Variants in OC90 observed in about 807,000 individuals in gnomAD.
OC90 encodes otoconin 90, also known as otoconin-90.
A neutral mutation model predicts 47.3 loss-of-function variants in OC90; 46 were observed. The ratio of observed to expected loss-of-function variants is 0.97; its 90% CI spans 0.77 to 1.24. OC90 has a LOEUF of 1.24. Ranked by LOEUF, OC90 falls within the 50% of genes most tolerant of loss-of-function variation. OC90 has a pLI of 0.00. For synonymous variants in OC90, 271 were observed against 219.5 expected, an observed-to-expected ratio of 1.23 and a Z score of -2.07; for missense variants, 688 against 583.9, an observed-to-expected ratio of 1.18 and a Z score of -1.84.
intron 2 of OC90, among the ~76,000 whole-genome samples, chr8:132,047,424 A>G (rs1376473090): frequency 1.3e-5 from 2 of 152,208 alleles, no homozygotes; most frequent in Non-Finnish European, 2.9e-5. Flanking sequence ...GCACATAATA[A>G]CATTTCTTAA....
At chr8:132,028,714 A>G (rs1374608069) in intron 13 of OC90, among the ~76,000 whole-genome samples, 1 of 148,408 alleles carries the variant, frequency 6.7e-6, no homozygotes. Flanking sequence ...GACAGAAAGA[A>G]AGAAAGAAAG....
intron 1 of OC90, among the ~76,000 whole-genome samples, chr8:132,056,952 A>G (rs1467426301): frequency 6.6e-6 from 1 of 152,216 alleles, no homozygotes; most frequent in Non-Finnish European, 1.5e-5. Context: ...CCTGTTTTAC[A>G]GATGAGATCA....
In OC90 at chr8:132,024,723, C is replaced by T. The variant is rs779418565; in HGVS notation, c.1192G>A (p.Ala398Thr). The T allele has an allele frequency of 4.3e-6, 7 of 1,613,748 alleles. No individual in the cohort carries two copies. The highest frequency in any genetic ancestry group is 5.9e-6 in the Non-Finnish European group (7 of 1,179,834). The part of the protein sequence containing the change: ...KLLCACDQTA[A>T]ECMTSASFNQ... ...AAGGAGGCAGAGGTCATGCACTCAGCTGCCGTCTGGTCACAGGCACAGAGC... is the reference window on the plus strand; with the variant it reads ...AAGGAGGCAGAGGTCATGCACTCAGTTGCCGTCTGGTCACAGGCACAGAGC... Residue 398 changes from alanine to threonine, a missense_variant, in exon 14 of 14, where the codon GCT becomes ACT. By Grantham distance (58) the Ala-to-Thr change is moderately conservative. Transcript: ENST00000254627.
At chr8:132,034,978 C>G in intron 9 of OC90, 144 bp from the exon 10 acceptor site, 1 of 616,108 alleles carries the variant, frequency 1.6e-6, no homozygotes, top group Admixed American at 2.7e-5. Context: ...ATGAGATTTC[C>G]TAAGAGAGCT....
chr8:132,024,239 C>G lies in OC90; in HGVS notation c.*242G>C, dbSNP rs1822719196. 1 of 414,246 alleles carries G rather than the reference C, an allele frequency of 2.4e-6. No individual in the cohort carries two copies. Among genetic ancestry groups the G allele is most frequent in the African/African-American group, 2.0e-5 (1 of 50,770 alleles). The allele number at this position is 414,246 out of a possible 1,614,324, so 25.7% of individuals were successfully genotyped here. Reference sequence around the variant, plus strand: ...CATGTTGATTGGAGTATTTATTGAGCTTCCACAGTGCACTAAAGGAGCATG... The same window carrying G: ...CATGTTGATTGGAGTATTTATTGAGGTTCCACAGTGCACTAAAGGAGCATG... On this transcript the variant is annotated 3_prime_UTR_variant, in exon 14 of 14. Coordinates refer to ENST00000254627, the MANE Select transcript of OC90 (RefSeq NM_001080399.3).
chr8:132,025,144 G>C (rs1367695985), intron 13 of OC90, among the ~76,000 whole-genome samples: 1 of 152,162 alleles, frequency 6.6e-6, no homozygotes, highest in Admixed American at 6.5e-5. Flanking sequence ...TATAGTCATT[G>C]TCTGTTTATG....
At chr8:132,041,437 T>G in intron 5 of OC90, 88 bp downstream of exon 5, 1 of 1,229,058 alleles carries the variant, frequency 8.1e-7, no homozygotes, top group East Asian at 2.4e-5. Flanking sequence ...CCAGGGGCTT[T>G]TCTGTATTTG....
intron 9 of OC90, chr8:132,036,400 G>C (rs750089763): frequency 1.3e-6 from 1 of 780,828 alleles, no homozygotes; most frequent in Non-Finnish European, 2.4e-6. Context: ...CAGTCTGTCA[G>C]CCTCAGTCTC....
At chr8:132,046,722 G>T (rs1413387116) in intron 2 of OC90, among the ~76,000 whole-genome samples, 1 of 152,212 alleles carries the variant, frequency 6.6e-6, no homozygotes, top group African/African-American at 2.4e-5. Flanking sequence ...AGTTGGAAAT[G>T]ATCAAAAGGG....
Position 132,032,095 on chromosome 8 carries a change from G to T in OC90, c.860-43C>A, listed in dbSNP as rs1244220176. On this transcript the variant is annotated intron_variant, in intron 11 of 13. Coordinates refer to ENST00000254627, the MANE Select transcript of OC90 (RefSeq NM_001080399.3). Reference sequence around the variant, plus strand: ...TGTCAGGAGAGCAAGGACTGTCGGGGCAGCTGTCTCAACAGGAAGGCCATG... The same window carrying T: ...TGTCAGGAGAGCAAGGACTGTCGGGTCAGCTGTCTCAACAGGAAGGCCATG... 6 of 1,585,542 alleles carry T rather than the reference G, an allele frequency of 3.8e-6. 1 individual carries two copies. Among genetic ancestry groups the T allele is most frequent in the East Asian group, 2.2e-5 (1 of 44,624 alleles).
At position 132,047,534 on chromosome 8, in the gene OC90, C is replaced by T. The variant is rs574473090; in HGVS notation, c.47-1651G>A. Among the ~76,000 whole-genome samples the T allele has an allele frequency of 3.3e-5, 5 of 152,096 alleles. No homozygotes were observed. In the South Asian group the frequency reaches 8.3e-4, roughly 25 times the overall value. ...AGTTTGTTTCATCTGGGAGTTCCAG[C>T]GACTCTAAGTTTGTATGCACATAAT... On this transcript the variant is annotated intron_variant, in intron 2 of 13. Transcript: ENST00000254627.
intron 9 of OC90, among the ~76,000 whole-genome samples, chr8:132,035,405 G>A (rs938800264): frequency 6.6e-6 from 1 of 152,180 alleles, no homozygotes; most frequent in African/African-American, 2.4e-5. Context: ...GAGACACACA[G>A]AAAAGTTAGG....
At chr8:132,029,437 G>T (rs1011565378) in intron 12 of OC90, among the ~76,000 whole-genome samples, 4 of 152,088 alleles carry the variant, frequency 2.6e-5, no homozygotes, top group Non-Finnish European at 5.9e-5. Flanking sequence ...CATTATTTTT[G>T]ATTTTTATTG....
At position 132,024,399 on chromosome 8, in the gene OC90, G is replaced by C. The variant is rs1324957993; in HGVS notation, c.*82C>G. 30 of 1,150,924 alleles carry C rather than the reference G, an allele frequency of 2.6e-5. No individual in the cohort carries two copies. Among genetic ancestry groups the C allele is most frequent in the Non-Finnish European group, 7.3e-6 (6 of 821,114 alleles). 71.3% of individuals were successfully genotyped at this position (1,150,924 alleles called of 1,614,324 possible). ...AAAGGAAGGGAAGAAGGCTCCAAGGGACAGAGGAGGCTGAGAGATAAAGAG... is the reference window on the plus strand; with the variant it reads ...AAAGGAAGGGAAGAAGGCTCCAAGGCACAGAGGAGGCTGAGAGATAAAGAG... On this transcript the variant is annotated 3_prime_UTR_variant, in exon 14 of 14. Coordinates refer to ENST00000254627, the MANE Select transcript of OC90 (RefSeq NM_001080399.3).
chr8:132,051,904 T>G (rs1586716393), intron 2 of OC90, among the ~76,000 whole-genome samples: 1 of 152,344 alleles, frequency 6.6e-6, no homozygotes, highest in Admixed American at 6.5e-5. Flanking sequence ...CAAAAATTTT[T>G]TTTGAAATGT....
intron 1 of OC90, among the ~76,000 whole-genome samples, chr8:132,057,183 G>T (rs1586718344): frequency 6.6e-6 from 1 of 152,296 alleles, no homozygotes; most frequent in East Asian, 1.9e-4. Context: ...GAGGTCAAAG[G>T]CTCAATAAGT....
chr8:132,029,772 C>A (rs1038394485), intron 12 of OC90, among the ~76,000 whole-genome samples: 1 of 152,212 alleles, frequency 6.6e-6, no homozygotes, highest in Non-Finnish European at 1.5e-5. Flanking sequence ...TGTATATCCA[C>A]CCATCTTGGC....
intron 2 of OC90, among the ~76,000 whole-genome samples, chr8:132,049,549 CATG>C (rs1255652900): frequency 2.0e-5 from 3 of 152,100 alleles, no homozygotes; most frequent in Non-Finnish European, 2.9e-5. Context: ...ATCTTATAGC[CATG>C]ATATCTCCCA....
intron 12 of OC90, among the ~76,000 whole-genome samples, chr8:132,031,033 C>T (rs1394188080): frequency 6.6e-6 from 1 of 152,158 alleles, no homozygotes; most frequent in African/African-American, 2.4e-5. Context: ...CAGGTCTCTC[C>T]ATTGGCCGTG....
Sources: gnomAD v4.1 joint callset for allele counts (sites outside exome capture counted in the v4.1 genomes callset) on GRCh38, gnomAD v4.1.1 for gene constraint, MANE v1.5 for transcripts, NCBI Gene and HGNC (gene_info 2026-07-23, HGNC 2026-07-21) for gene names.